Variants in PPP1R21 observed in about 807,000 individuals in gnomAD.
PPP1R21 encodes the protein protein phosphatase 1 regulatory subunit 21, also known as KLRAQ motif containing 1.
In PPP1R21, 85 loss-of-function variants were observed where a neutral mutation model predicts 112.8. That is an observed-to-expected ratio of 0.75 (90% CI 0.63 to 0.90). PPP1R21 has a LOEUF of 0.90. Among genes scored for constraint, PPP1R21 ranks in the 40% least tolerant of loss-of-function variants. The probability of loss-of-function intolerance (pLI) is 0.00; values close to 1 mark genes in which losing one functional copy is unlikely to be tolerated. For missense variants in PPP1R21, 1,199 were observed against 901.5 expected (o/e 1.33, Z -4.23); for synonymous variants, 381 against 322.3 (o/e 1.18, Z -1.95).
At position 48,486,767 on chromosome 2, in the gene PPP1R21, C is replaced by T. The variant is rs1036445592; in HGVS notation, c.1446+9C>T. ...CAAATGGAGCAGGAAAGGTAATTCT[C>T]TTCTGGCGTATATTGATGTTAAAAC... On this transcript the variant is annotated intron_variant, in intron 14 of 21. Transcript: ENST00000294952. The T allele has an allele frequency of 8.1e-6, 13 of 1,610,340 alleles. No individual in the cohort carries two copies. In the Admixed American group the frequency reaches 1.7e-4, roughly 21 times the overall value.
intron 6 of PPP1R21, among the ~76,000 whole-genome samples, chr2:48,460,724 A>ATTACCAGCTTTT (rs58204101): frequency 0.12 from 18,071 of 152,194 alleles, 1,125 homozygotes; most frequent in Non-Finnish European, 0.14. Flanking sequence ...AAACACAGAA[A>ATTACCAGCTTTT]GAGTTCAAGG....
At chr2:48,500,898 G>A (rs548734158) in intron 17 of PPP1R21, among the ~76,000 whole-genome samples, 1 of 151,822 alleles carries the variant, frequency 6.6e-6, no homozygotes, top group East Asian at 1.9e-4. Flanking sequence ...AACAGAGCCA[G>A]ACTCTGTCTC....
intron 18 of PPP1R21, among the ~76,000 whole-genome samples, 157 bp downstream of exon 18, chr2:48,505,753 G>A (rs1056522132): frequency 1.3e-4 from 20 of 152,328 alleles, no homozygotes; most frequent in Admixed American, 3.9e-4. Flanking sequence ...CTTCGTGTAT[G>A]GATCCATGTA....
intron 9 of PPP1R21, among the ~76,000 whole-genome samples, chr2:48,469,349 GCATATATATAT>G (rs1668365505): frequency 3.8e-4 from 2 of 5,288 alleles, no homozygotes; most frequent in East Asian, 0.012. Context: ...TATATATATA[GCATATATATAT>G]AGAGCATATA....
intron 7 of PPP1R21, among the ~76,000 whole-genome samples, chr2:48,463,785 A>T (rs1043888677): frequency 1.3e-5 from 2 of 151,696 alleles, no homozygotes; most frequent in African/African-American, 4.8e-5. Flanking sequence ...GCCCAGGAGG[A>T]CGGTTAGCTG....
chr2:48,490,970 A>G (rs561105614), intron 14 of PPP1R21, 48 bp from the exon 15 acceptor site: 1 of 1,517,372 alleles, frequency 6.6e-7, no homozygotes, highest in East Asian at 2.3e-5. Flanking sequence ...TATATTTTAG[A>G]TATATTGTTG....
chr2:48,486,653 A>G lies in PPP1R21; in HGVS notation c.1341A>G (p.Gln447=), dbSNP rs76173521. ...TAGATATTTCCAAACATTATAGTCAAAAAGCTGCAATAGAGCATGAACTTC... is the reference window on the plus strand; with the variant it reads ...TAGATATTTCCAAACATTATAGTCAGAAAGCTGCAATAGAGCATGAACTTC... ...VMKDISKHYS[Q]KAAIEHELPT... is the part of the protein sequence containing the mutation. The change falls in exon 14 of 22, where the codon CAA becomes CAG. Residue 447 remains glutamine, a synonymous_variant. Coordinates refer to ENST00000294952, the MANE Select transcript of PPP1R21 (RefSeq NM_001135629.3). 1.6e-5 allele frequency: 26 copies of G among 1,612,232 alleles called. No individual in the cohort carries two copies. The African/African-American group carries it at 1.9e-4, about 12-fold the overall frequency.
chr2:48,485,641 C>G (rs1385035395), intron 13 of PPP1R21, among the ~76,000 whole-genome samples: 3 of 151,462 alleles, frequency 2.0e-5, no homozygotes, highest in Non-Finnish European at 4.4e-5. Flanking sequence ...TGAAAATAAT[C>G]TCATTCATGG....
At chr2:48,475,208 C>G (rs1437094879) in intron 12 of PPP1R21, among the ~76,000 whole-genome samples, 3 of 152,052 alleles carry the variant, frequency 2.0e-5, no homozygotes, top group South Asian at 4.2e-4. Flanking sequence ...TAAAAATTAT[C>G]CAGATGTGGC....
intron 18 of PPP1R21, 124 bp downstream of exon 18, chr2:48,505,720 A>G (rs991210548): frequency 1.2e-6 from 1 of 809,196 alleles, no homozygotes. Flanking sequence ...ACTTCTAGCA[A>G]ATGTGGAGCC....
chr2:48,451,662 T>TA (rs1455947574), intron 2 of PPP1R21, among the ~76,000 whole-genome samples: 6 of 152,234 alleles, frequency 3.9e-5, no homozygotes, highest in African/African-American at 1.2e-4. Context: ...ATGTAGTAAA[T>TA]ATTGCTTAGT....
At position 48,491,156 on chromosome 2, in the gene PPP1R21, A is replaced by C; in HGVS notation, c.1585A>C (p.Lys529Gln). The change falls in exon 15 of 22, where the codon AAG becomes CAG. Residue 529 changes from lysine to glutamine, a missense_variant. Lys to Gln is a moderately conservative substitution (Grantham distance 53). Coordinates refer to ENST00000294952, the MANE Select transcript of PPP1R21 (RefSeq NM_001135629.3). ...TAAGAAAAAAGCTGCTGCCTATATGAAGTCTTTGAGAAAGGTTTGTTAGCT... is the reference window on the plus strand; with the variant it reads ...TAAGAAAAAAGCTGCTGCCTATATGCAGTCTTTGAGAAAGGTTTGTTAGCT... ...QYKKKAAAYMKSLRKPLLESV... is the reference protein window; with the variant it reads ...QYKKKAAAYMQSLRKPLLESV... 1 of 1,611,940 alleles carries C rather than the reference A, an allele frequency of 6.2e-7. No homozygotes were observed. The highest frequency in any genetic ancestry group is 8.5e-7 in the Non-Finnish European group (1 of 1,179,482).
At chr2:48,459,670 C>G in intron 4 of PPP1R21, 84 bp from the exon 5 acceptor site, 5 of 1,439,530 alleles carry the variant, frequency 3.5e-6, no homozygotes, top group Non-Finnish European at 4.7e-6. Context: ...GTGGAAGTTG[C>G]TCAGTGAATA....
At chr2:48,470,962 G>C (rs1668471366) in intron 9 of PPP1R21, 125 bp from the exon 10 acceptor site, 7 of 659,366 alleles carry the variant, frequency 1.1e-5, no homozygotes, top group Non-Finnish European at 1.3e-5. Context: ...ACAGGAGTTT[G>C]AGGCTGCAGT....
chr2:48,486,228 A>G (rs911200698), intron 13 of PPP1R21, among the ~76,000 whole-genome samples: 6 of 152,090 alleles, frequency 3.9e-5, no homozygotes, highest in Non-Finnish European at 5.9e-5. Context: ...TGTGTTGGCT[A>G]TTCCTTTCCA....
intron 18 of PPP1R21, among the ~76,000 whole-genome samples, chr2:48,506,990 G>A (rs1043703530): frequency 2.0e-5 from 3 of 151,108 alleles, no homozygotes; most frequent in African/African-American, 7.3e-5. Context: ...AATAAAAGCT[G>A]GATGGAGGGG....
intron 13 of PPP1R21, among the ~76,000 whole-genome samples, chr2:48,485,346 T>A (rs1669237509): frequency 1.3e-5 from 2 of 152,112 alleles, no homozygotes; most frequent in Non-Finnish European, 1.5e-5. Context: ...CCTAATTGAA[T>A]TTTTATACAC....
chr2:48,447,598 A>G (rs1388096725), intron 1 of PPP1R21, among the ~76,000 whole-genome samples: 1 of 152,206 alleles, frequency 6.6e-6, no homozygotes, highest in African/African-American at 2.4e-5. Flanking sequence ...AAACAAAAAC[A>G]GTGTTCATTT....
intron 17 of PPP1R21, among the ~76,000 whole-genome samples, chr2:48,502,466 G>C (rs1400703564): frequency 6.6e-6 from 1 of 152,036 alleles, no homozygotes; most frequent in Non-Finnish European, 1.5e-5. Flanking sequence ...TTACCCCCAT[G>C]CCCTTTAAGT....
Sources: gnomAD v4.1 joint callset for allele counts (sites outside exome capture counted in the v4.1 genomes callset) on GRCh38, gnomAD v4.1.1 for gene constraint, MANE v1.5 for transcripts, NCBI Gene and HGNC (gene_info 2026-07-23, HGNC 2026-07-21) for gene names.